SNRNP200: variants seen among roughly 807,000 people sequenced by gnomAD.
The protein encoded by SNRNP200 is U5 small nuclear ribonucleoprotein 200 kDa helicase.
A neutral mutation model predicts 255.2 loss-of-function variants in SNRNP200; 66 were observed. That is an observed-to-expected ratio of 0.26 (90% CI 0.21 to 0.32). SNRNP200 has a LOEUF of 0.32. Among genes scored for constraint, SNRNP200 ranks in the 10% least tolerant of loss-of-function variants. The pLI is 1.00. For synonymous variants in SNRNP200, 939 were observed against 1,027.8 expected (o/e 0.91, Z 1.65); for missense variants, 1,585 against 2,749.8 (o/e 0.58, Z 9.47).
chr2:96,278,853 A>G lies in SNRNP200; in HGVS notation c.5279T>C (p.Leu1760Pro). 3 of 1,614,204 alleles carry G rather than the reference A, an allele frequency of 1.9e-6. No individual in the cohort carries two copies. The highest frequency in any genetic ancestry group is 2.5e-6 in the Non-Finnish European group (3 of 1,180,038). ...DAVDYLTWTF[L>P]YRRMTQNPNY... ...GGGGTTCTGTGTCATGCGGCGGTAC[A>G]GAAAGGTCCAGGTGAGGTAGTCCAC... Residue 1760 changes from leucine (L) to proline (P), a missense_variant, in exon 37 of 45, where the codon CTG becomes CCG. Physicochemically the swap from Leu to Pro is moderately conservative, Grantham distance 98. Coordinates refer to ENST00000323853, the MANE Select transcript of SNRNP200 (RefSeq NM_014014.5). The surrounding 1 kb of genome is among the most constrained non-coding windows in gnomAD (Gnocchi z 6.9).
intron 14 of SNRNP200, 123 bp downstream of exon 14, chr2:96,295,365 G>T: frequency 6.8e-7 from 1 of 1,474,414 alleles, no homozygotes; most frequent in Non-Finnish European, 9.4e-7. Context: ...CGGAATTGGA[G>T]GACTAGTCAT....
chr2:96,290,812 A>C lies in SNRNP200; in HGVS notation c.2425T>G (p.Leu809Val). The change falls in exon 19 of 45, where the codon TTA becomes GTA. Residue 809 changes from leucine (L) to valine (V), a missense_variant. By Grantham distance (32) the Leu-to-Val change is conservative (BLOSUM62 1). This residue lies in a region of SNRNP200 where 140 missense variants were observed against 274.9 expected (regional missense o/e 0.51). Transcript: ENST00000323853. This position sits in a 1 kb window ranked among gnomAD's most constrained non-coding sequence, Gnocchi z 4.5. ...CAAGCTAGAGTTGCTGTGGAAACTAAAACCTACAGAGGCAAAACAAGGTAA... is the reference window on the plus strand; with the variant it reads ...CAAGCTAGAGTTGCTGTGGAAACTACAACCTACAGAGGCAAAACAAGGTAA... ...DLFADKHIQV[L>V]VSTATLAWGV... 6.2e-7 allele frequency: 1 copy of C among 1,614,138 alleles called. No individual in the cohort carries two copies. Among genetic ancestry groups the C allele is most frequent in the Non-Finnish European group, 8.5e-7 (1 of 1,179,994 alleles).
In SNRNP200 at chr2:96,278,265, C is replaced by T. The variant is rs1284177176; in HGVS notation, c.5582G>A (p.Arg1861Gln). The T allele has an allele frequency of 1.4e-5, 23 of 1,614,140 alleles. No individual in the cohort carries two copies. The highest frequency in any genetic ancestry group is 1.9e-5 in the Non-Finnish European group (22 of 1,180,030). The change falls in exon 39 of 45, where the codon CGG becomes CAG. Residue 1861 changes from arginine (R) to glutamine (Q), a missense_variant. Arg to Gln is a conservative substitution (Grantham distance 43). Around this residue, in one of 9 missense-constraint regions of SNRNP200, gnomAD observed 279 missense variants for 551.2 expected, o/e 0.51. Coordinates refer to ENST00000323853, the MANE Select transcript of SNRNP200 (RefSeq NM_014014.5). This position sits in a 1 kb window ranked among gnomAD's most constrained non-coding sequence, Gnocchi z 6.9. ...CCTCAGGAGATTGTCTTCATGGTGC[C>T]GGATGGGAATGTTCTCATACTCTGC... Reference protein sequence around the residue: ...NAAEYENIPIRHHEDNLLRQL... With the variant: ...NAAEYENIPIQHHEDNLLRQL...
At chr2:96,296,446 C>T (rs1258885511) in intron 13 of SNRNP200, 90 bp downstream of exon 13, 1 of 1,317,650 alleles carries the variant, frequency 7.6e-7, no homozygotes, top group African/African-American at 1.5e-5. Flanking sequence ...CAGAGATGCC[C>T]TAATACAAGA....
At chr2:96,300,762 C>CA (rs571776850) in intron 5 of SNRNP200, among the ~76,000 whole-genome samples, 5,442 of 136,024 alleles carry the variant, frequency 0.04, 138 homozygotes, top group Middle Eastern at 0.081. Context: ...GACTCCGTCT[C>CA]AAAAAAAAAA....
chr2:96,295,741 G>C, intron 13 of SNRNP200, 83 bp from the exon 14 acceptor site: 2 of 1,435,956 alleles, frequency 1.4e-6, no homozygotes, highest in Non-Finnish European at 1.9e-6. Flanking sequence ...TGGAGTGTAG[G>C]GCATTGGGAG....
chr2:96,277,984 C>T lies in SNRNP200; in HGVS notation c.5611-34G>A, dbSNP rs113436202. ...TGGAAGAAAAATAGCTGGTGATGAA[C>T]AGGTGACCCTGCCTGAGACCAGCTC... On this transcript the variant is annotated intron_variant, in intron 39 of 44. Transcript: ENST00000323853. This position sits in a 1 kb window ranked among gnomAD's most constrained non-coding sequence, Gnocchi z 4.4. The T allele has an allele frequency of 4.5e-3, 7,305 of 1,614,136 alleles. 300 individuals are homozygous for T. The African/African-American group carries it at 0.088, about 20-fold the overall frequency.
At position 96,277,757 on chromosome 2, in the gene SNRNP200, T is replaced by C. The variant is rs778974685; in HGVS notation, c.5755-42A>G. On this transcript the variant is annotated intron_variant, in intron 40 of 44. Transcript: ENST00000323853. This position sits in a 1 kb window ranked among gnomAD's most constrained non-coding sequence, Gnocchi z 4.4. ...GTATAAAAGTGGGCGGAGTTGGAGC[T>C]GAGATGTTTAGAGCACCACTGACCC... 1.3e-5 allele frequency: 21 copies of C among 1,613,066 alleles called. No individual in the cohort carries two copies. In the South Asian group the frequency reaches 2.2e-4, roughly 17 times the overall value.
chr2:96,301,467 T>A, intron 4 of SNRNP200, 57 bp downstream of exon 4: 1 of 1,532,622 alleles, frequency 6.5e-7, no homozygotes, highest in Non-Finnish European at 9.0e-7. Context: ...AGAAGATGCA[T>A]GTTTAGGGGT....
intron 35 of SNRNP200, among the ~76,000 whole-genome samples, chr2:96,280,843 TG>T (rs1684747574): frequency 1.9e-5 from 2 of 103,406 alleles, no homozygotes; most frequent in Admixed American, 9.6e-5. Flanking sequence ...CCACCACACC[TG>T]GCCCTTTTTT....
chr2:96,286,337 G>A lies in SNRNP200; in HGVS notation c.3977C>T (p.Pro1326Leu). ...AFESLYQDKF[P>L]FFNPIQTQVF... is the part of the protein sequence containing the mutation. ...CTGGGTCTGGATGGGATTGAAGAAA[G>A]GAAATTTATCTTGGTAAAGACTCTC... The change falls in exon 29 of 45, where the codon CCT (proline) becomes CTT (leucine). Residue 1326 changes from proline (P) to leucine (L), a missense_variant. Pro to Leu is a moderately conservative substitution (Grantham distance 98). This residue lies in a region of SNRNP200 where 719 missense variants were observed against 1,091.1 expected (regional missense o/e 0.66). Coordinates refer to ENST00000323853, the MANE Select transcript of SNRNP200 (RefSeq NM_014014.5). The surrounding 1 kb of genome is among the most constrained non-coding windows in gnomAD (Gnocchi z 4.8). 1 of 1,614,150 alleles carries A rather than the reference G, an allele frequency of 6.2e-7. No individual in the cohort carries two copies. Among genetic ancestry groups the A allele is most frequent in the Non-Finnish European group, 8.5e-7 (1 of 1,180,032 alleles).
chr2:96,276,883 A>G (rs1259060714), intron 43 of SNRNP200, 21 bp downstream of exon 43: 2 of 1,613,572 alleles, frequency 1.2e-6, no homozygotes, highest in Non-Finnish European at 8.5e-7. Flanking sequence ...ACACCTGACC[A>G]AGCCAGCTAC....
At chr2:96,296,377 T>G (rs2063916695) in intron 13 of SNRNP200, among the ~76,000 whole-genome samples, 159 bp downstream of exon 13, 1 of 152,186 alleles carries the variant, frequency 6.6e-6, no homozygotes, top group South Asian at 2.1e-4. Context: ...CTGGGTTAAG[T>G]TCCATCTTGG....
At chr2:96,280,809 A>T (rs1429961233) in intron 35 of SNRNP200, among the ~76,000 whole-genome samples, 1 of 150,392 alleles carries the variant, frequency 6.6e-6, no homozygotes, top group African/African-American at 2.4e-5. Context: ...TGGCCTCCCA[A>T]AGTGCTGGGA....
Position 96,301,302 on chromosome 2 carries a change from A to G in SNRNP200, c.574+222T>C, listed in dbSNP as rs150142468. Among the ~76,000 whole-genome samples the G allele has an allele frequency of 2.4e-4, 36 of 152,334 alleles. No individual in the cohort carries two copies. The East Asian group carries it at 6.9e-3, about 29-fold the overall frequency. ...CACTTGAGCCCCCAAGGCTCTGCCCACATTTTCTCATATTCCACACAATAA... is the reference window on the plus strand; with the variant it reads ...CACTTGAGCCCCCAAGGCTCTGCCCGCATTTTCTCATATTCCACACAATAA... On this transcript the variant is annotated intron_variant, in intron 4 of 44. Coordinates refer to ENST00000323853, the MANE Select transcript of SNRNP200 (RefSeq NM_014014.5).
intron 29 of SNRNP200, 26 bp from the exon 30 acceptor site, chr2:96,285,366 G>T: frequency 1.2e-6 from 2 of 1,612,834 alleles, no homozygotes; most frequent in Non-Finnish European, 1.7e-6. Context: ...AAGAAGCAGT[G>T]TAAGTATCAA....
In SNRNP200 at chr2:96,275,128, T is replaced by C. The variant is rs140574531; in HGVS notation, c.6295A>G (p.Thr2099Ala). Residue 2099 changes from threonine to alanine, a missense_variant, in exon 45 of 45, where the codon ACT becomes GCT. Thr to Ala is a moderately conservative substitution (Grantham distance 58). Coordinates refer to ENST00000323853, the MANE Select transcript of SNRNP200 (RefSeq NM_014014.5). Reference sequence around the variant, plus strand: ...TACAGAGTGTAGTTGTGGGCACCAGTGGCTGGGGCCACAAAGTCCAACTTC... The same window carrying C: ...TACAGAGTGTAGTTGTGGGCACCAGCGGCTGGGGCCACAAAGTCCAACTTC... ...KVKLDFVAPA[T>A]GAHNYTLYFM... 1.7e-5 allele frequency: 27 copies of C among 1,614,110 alleles called. No homozygotes were observed. The African/African-American group carries it at 3.1e-4, about 18-fold the overall frequency.
At chr2:96,282,559 A>T in intron 34 of SNRNP200, 1 of 179,274 alleles carries the variant, frequency 5.6e-6, no homozygotes, top group Non-Finnish European at 1.2e-5. Flanking sequence ...TGTTGGAGGA[A>T]GGGCCTGGTG....
In SNRNP200 at chr2:96,295,572, G is replaced by A. The variant is rs759887489; in HGVS notation, c.1758C>T (p.Ile586=). The A allele has an allele frequency of 5.6e-6, 9 of 1,613,808 alleles. No individual in the cohort carries two copies. Among genetic ancestry groups the A allele is most frequent in the Admixed American group, 3.3e-5 (2 of 59,998 alleles). Reference sequence around the variant, plus strand: ...TGTCCCACTTCTCGGGGGTGCAGACGATGATCTGAGTGGCACTGATCTCTT... The same window carrying A: ...TGTCCCACTTCTCGGGGGTGCAGACAATGATCTGAGTGGCACTGATCTCTT... ...CKEEISATQI[I]VCTPEKWDII... Residue 586 remains isoleucine (I), a synonymous_variant, in exon 14 of 45, where the codon ATC becomes ATT. Coordinates refer to ENST00000323853, the MANE Select transcript of SNRNP200 (RefSeq NM_014014.5).
Sources: allele counts gnomAD v4.1 joint callset (sites outside exome capture counted in the v4.1 genomes callset), GRCh38; gene constraint gnomAD v4.1.1; regional missense constraint gnomAD v4.1.1; non-coding constraint Gnocchi (gnomAD v3.1); transcripts MANE v1.5; gene names NCBI Gene and HGNC (gene_info 2026-07-23, HGNC 2026-07-21).